Variants in IQCM observed in about 807,000 individuals in gnomAD.
IQCM encodes the protein IQ domain-containing protein M.
Under a neutral mutation model 57.6 loss-of-function variants are expected in IQCM, and 45 were observed. That is an observed-to-expected ratio of 0.78 (90% CI 0.62 to 1.00). IQCM has a LOEUF of 1.00. Among genes scored for constraint, IQCM ranks in the 50% least tolerant of loss-of-function variants. The pLI, the probability that IQCM is intolerant of heterozygous loss-of-function variation, is 0.00. For missense variants in IQCM, 468 were observed against 511.6 expected (o/e 0.91, Z 0.82); for synonymous variants, 148 against 158.9 (o/e 0.93, Z 0.51).
chr4:149,675,167 A>C (rs2150188025), intron 7 of IQCM, among the ~76,000 whole-genome samples: 1 of 152,192 alleles, frequency 6.6e-6, no homozygotes, highest in Middle Eastern at 3.4e-3. Flanking sequence ...ATCACCAAAA[A>C]CTATGAAAAG....
At chr4:149,488,304 G>T (rs982372135) in intron 12 of IQCM, among the ~76,000 whole-genome samples, 1 of 151,984 alleles carries the variant, frequency 6.6e-6, no homozygotes, top group Non-Finnish European at 1.5e-5. Context: ...GTACTGTGAG[G>T]AATATTCTGA....
chr4:149,433,453 G>GT lies in IQCM; in HGVS notation c.1332dup (p.Leu445ThrfsTer17), dbSNP rs1447177968. On this transcript the variant is annotated frameshift_variant, in exon 13 of 14. Transcript: ENST00000636793. LOFTEE classifies it high-confidence loss of function. ...ATGGGTCTCAACCAAGTCGACTTGA[G>GT]TAGTGTACTGTCAGGCACATGTGCA... The GT allele has an allele frequency of 7.8e-5, 96 of 1,226,028 alleles. 1 individual carries two copies. The highest frequency in any genetic ancestry group is 2.0e-5 in the Non-Finnish European group (20 of 982,916). The allele number at this position is 1,226,028 out of a possible 1,614,324, so 75.9% of individuals were successfully genotyped here.
At chr4:149,774,297 A>G (rs546617440) in intron 2 of IQCM, among the ~76,000 whole-genome samples, 1 of 152,338 alleles carries the variant, frequency 6.6e-6, no homozygotes, top group East Asian at 1.9e-4. Flanking sequence ...TGGTCCTGAA[A>G]CAGATATCCA....
chr4:149,652,557 A>G (rs1759285376), intron 7 of IQCM, among the ~76,000 whole-genome samples: 1 of 152,152 alleles, frequency 6.6e-6, no homozygotes. Context: ...AACAAAAAGG[A>G]TATAAAAGCT....
At chr4:149,789,339 G>A (rs531319097) in intron 2 of IQCM, among the ~76,000 whole-genome samples, 13 of 152,204 alleles carry the variant, frequency 8.5e-5, no homozygotes, top group African/African-American at 3.1e-4. Flanking sequence ...TCTATTCTGA[G>A]ATAACCCAAG....
At chr4:149,612,087 AAGG>A (rs1269678338) in intron 8 of IQCM, among the ~76,000 whole-genome samples, 2 of 114,190 alleles carry the variant, frequency 1.8e-5, no homozygotes, top group Non-Finnish European at 3.6e-5. Flanking sequence ...TACATGGGGG[AAGG>A]AGAGAGAGAG....
intron 13 of IQCM, among the ~76,000 whole-genome samples, chr4:149,402,646 T>C (rs1050844838): frequency 2.6e-5 from 4 of 151,798 alleles, no homozygotes; most frequent in African/African-American, 9.7e-5. Flanking sequence ...TGGGGATCAA[T>C]ATATTATAAA....
At chr4:149,373,430 C>A (rs541076837) in intron 13 of IQCM, among the ~76,000 whole-genome samples, 1 of 152,082 alleles carries the variant, frequency 6.6e-6, no homozygotes, top group Non-Finnish European at 1.5e-5. Context: ...AACCTTGACA[C>A]TAACCCTATG....
intron 7 of IQCM, among the ~76,000 whole-genome samples, chr4:149,673,302 G>T (rs1761466572): frequency 6.6e-6 from 1 of 152,050 alleles, no homozygotes; most frequent in Non-Finnish European, 1.5e-5. Context: ...TGGGCTAAAT[G>T]CTCCAATTAA....
At chr4:149,421,783 G>A (rs1250640352) in intron 13 of IQCM, among the ~76,000 whole-genome samples, 1 of 151,912 alleles carries the variant, frequency 6.6e-6, no homozygotes, top group Non-Finnish European at 1.5e-5. Flanking sequence ...GACAAGTATG[G>A]TTTTAGTATA....
At chr4:149,590,485 A>T (rs201925670) in intron 8 of IQCM, among the ~76,000 whole-genome samples, 1 of 151,426 alleles carries the variant, frequency 6.6e-6, no homozygotes, top group East Asian at 2.0e-4. Context: ...AAGTTCTGGG[A>T]TACATGTACA....
At chr4:149,580,961 T>C (rs1197212212) in intron 9 of IQCM, among the ~76,000 whole-genome samples, 1 of 151,792 alleles carries the variant, frequency 6.6e-6, no homozygotes. Flanking sequence ...CCCTGTTGAA[T>C]AAACTACAAA....
intron 5 of IQCM, among the ~76,000 whole-genome samples, chr4:149,717,042 C>A (rs996172253): frequency 4.6e-5 from 7 of 152,222 alleles, no homozygotes; most frequent in Non-Finnish European, 8.8e-5. Flanking sequence ...CTCTATGTAT[C>A]TCTTCACCTG....
At chr4:149,375,009 T>TGTGTGTGTGTGTGTGTGA (rs55772693) in intron 13 of IQCM, among the ~76,000 whole-genome samples, 2 of 151,102 alleles carry the variant, frequency 1.3e-5, no homozygotes, top group Non-Finnish European at 2.9e-5. Context: ...TGTGTGTGTG[T>TGTGTGTGTGTGTGTGTGA]GATGTTCTTT....
intron 12 of IQCM, among the ~76,000 whole-genome samples, chr4:149,531,675 TAG>T (rs1035629029): frequency 2.0e-5 from 3 of 152,158 alleles, no homozygotes; most frequent in African/African-American, 7.2e-5. Flanking sequence ...TATAAATATG[TAG>T]AAATTTCTTG....
chr4:149,363,364 G>C (rs550596749), intron 13 of IQCM, among the ~76,000 whole-genome samples: 1 of 152,254 alleles, frequency 6.6e-6, no homozygotes, highest in South Asian at 2.1e-4. Flanking sequence ...CAGGAATATG[G>C]AATTCCATGT....
In IQCM at chr4:149,733,233, C is replaced by CA; in HGVS notation, c.385+10dup. The CA allele has an allele frequency of 8.1e-7, 1 of 1,231,476 alleles. No individual in the cohort carries two copies. The allele number at this position is 1,231,476 out of a possible 1,614,324, so 76.3% of individuals were successfully genotyped here. A position where few individuals can be genotyped will look rare whatever the true frequency, so the allele number is the denominator to read the frequency against. ...AGTTTGCTGAATTTCTTCACTCCAC[C>CA]AAAAACTTACCTTTTGTAATTAGAT... On this transcript the variant is annotated intron_variant, in intron 5 of 13. Coordinates refer to ENST00000636793, the MANE Select transcript of IQCM (RefSeq NM_001363507.2).
intron 12 of IQCM, among the ~76,000 whole-genome samples, chr4:149,521,907 C>A (rs369659100): frequency 3.3e-5 from 5 of 152,168 alleles, no homozygotes; most frequent in African/African-American, 1.2e-4. Flanking sequence ...AGATCTGACA[C>A]CTGCATCCAA....
intron 12 of IQCM, among the ~76,000 whole-genome samples, chr4:149,509,526 G>T (rs1347166317): frequency 6.6e-6 from 1 of 151,736 alleles, no homozygotes; most frequent in Non-Finnish European, 1.5e-5. Context: ...TAGGATTACA[G>T]CATGAGCCAC....
Sources: gnomAD v4.1 joint callset for allele counts (sites outside exome capture counted in the v4.1 genomes callset) on GRCh38, gnomAD v4.1.1 for gene constraint, MANE v1.5 for transcripts, NCBI Gene and HGNC (gene_info 2026-07-23, HGNC 2026-07-21) for gene names.